RPS6KA2: variants seen among roughly 807,000 people sequenced by gnomAD.
RPS6KA2 encodes the protein ribosomal protein S6 kinase A2, also known as ribosomal protein S6 kinase alpha-2.
Under a neutral mutation model 91.8 loss-of-function variants are expected in RPS6KA2, and 42 were observed. That is an observed-to-expected ratio of 0.46 (90% confidence interval 0.36 to 0.59). The LOEUF (loss-of-function observed/expected upper bound fraction) is 0.59. Ranked by LOEUF, RPS6KA2 falls within the 20% of genes least tolerant of loss-of-function variation. The pLI, the probability that RPS6KA2 is intolerant of heterozygous loss-of-function variation, is 0.00. For missense variants in RPS6KA2, 798 were observed against 978.5 expected (o/e 0.82, Z 2.46); for synonymous variants, 414 against 393.6 (o/e 1.05, Z -0.61).
intron 1 of RPS6KA2, among the ~76,000 whole-genome samples, chr6:166,546,127 T>C (rs1399467504): frequency 6.6e-6 from 1 of 152,220 alleles, no homozygotes; most frequent in East Asian, 1.9e-4. Flanking sequence ...TTCAATGATT[T>C]GCTTTATAAA....
chr6:166,615,595 C>T (rs906668224), intron 1 of RPS6KA2, among the ~76,000 whole-genome samples: 6 of 152,312 alleles, frequency 3.9e-5, no homozygotes, highest in Admixed American at 1.3e-4. Context: ...AAACCTGCGG[C>T]GCACAGGCCA....
At position 166,430,495 on chromosome 6, in the gene RPS6KA2, C is replaced by T; in HGVS notation, c.1539G>A (p.Leu513=). 5.0e-6 allele frequency: 8 copies of T among 1,614,112 alleles called. No homozygotes were observed. Among genetic ancestry groups the T allele is most frequent in the Non-Finnish European group, 5.9e-6 (7 of 1,180,008 alleles). ...YFSEREASDV[L]CTITKTMDYL... ...AGTCCATGGTCTTGGTGATGGTGCA[C>T]AGGACGTCACTGGCTTCGCGCTCCG... The change falls in exon 16 of 21, where the codon CTG becomes CTA. Residue 513 remains leucine, a synonymous_variant. Transcript: ENST00000265678.
chr6:166,722,185 C>A (rs1406794242), intron 2 of RPS6KA2, among the ~76,000 whole-genome samples: 2 of 152,140 alleles, frequency 1.3e-5, no homozygotes, highest in Non-Finnish European at 2.9e-5. Context: ...TCAGAAGGTC[C>A]AATCATCCAT....
intron 14 of RPS6KA2, among the ~76,000 whole-genome samples, chr6:166,432,994 CAAAA>C (rs397728789): frequency 1.2e-5 from 1 of 82,748 alleles, no homozygotes; most frequent in Non-Finnish European, 2.7e-5. Flanking sequence ...GACTCTGTCT[CAAAA>C]AAAAAAAAAA....
rs561886373 is a variant in RPS6KA2 at position 166,603,826 on chromosome 6, G to C, written c.99+23095C>G. ...TACTGTTGTTTGCGATAACAAGTCA[G>C]GGGTGTTAGAGGAGCCAAAGACCCC... is the stretch of plus-strand genomic sequence containing the variant. On this transcript the variant is annotated intron_variant, in intron 1 of 20. Coordinates refer to ENST00000265678, the MANE Select transcript of RPS6KA2 (RefSeq NM_021135.6). The surrounding 1 kb of genome is among the most constrained non-coding windows in gnomAD (Gnocchi z 4.3). Among the ~76,000 whole-genome samples, 41 of 152,192 alleles carry C rather than the reference G, an allele frequency of 2.7e-4. No individual in the cohort carries two copies. Among genetic ancestry groups the C allele is most frequent in the Non-Finnish European group, 5.4e-4 (37 of 68,038 alleles).
intron 2 of RPS6KA2, among the ~76,000 whole-genome samples, chr6:166,797,205 C>A (rs1210756028): frequency 3.3e-5 from 5 of 152,218 alleles, no homozygotes; most frequent in Admixed American, 3.3e-4. Flanking sequence ...GGGAGGGAGG[C>A]ACCCCACATC....
At chr6:166,675,934 T>C (rs1328904822) in intron 2 of RPS6KA2, among the ~76,000 whole-genome samples, 5 of 152,178 alleles carry the variant, frequency 3.3e-5, no homozygotes, top group African/African-American at 9.7e-5. Flanking sequence ...TGCTTTTCTC[T>C]GGGCAGGTAA....
At chr6:166,610,876 C>T (rs1786145914) in intron 1 of RPS6KA2, among the ~76,000 whole-genome samples, 1 of 152,124 alleles carries the variant, frequency 6.6e-6, no homozygotes, top group African/African-American at 2.4e-5. Context: ...TTCCTAAAAT[C>T]AGTACTTATT....
chr6:166,486,150 A>C (rs979318481), intron 10 of RPS6KA2, among the ~76,000 whole-genome samples: 2 of 152,186 alleles, frequency 1.3e-5, no homozygotes, highest in African/African-American at 4.8e-5. Flanking sequence ...TTGGAATCTC[A>C]GGTCCCATCT....
intron 2 of RPS6KA2, among the ~76,000 whole-genome samples, chr6:166,781,514 C>T (rs1778772137): frequency 6.6e-6 from 1 of 152,194 alleles, no homozygotes; most frequent in Non-Finnish European, 1.5e-5. Context: ...CATGCACCCA[C>T]CCAAGTCAGG....
intron 1 of RPS6KA2, among the ~76,000 whole-genome samples, chr6:166,861,069 C>T (rs1271268133): frequency 6.6e-6 from 1 of 152,188 alleles, no homozygotes; most frequent in African/African-American, 2.4e-5. Context: ...ATACATATGT[C>T]GAGCATTATT....
intron 2 of RPS6KA2, among the ~76,000 whole-genome samples, chr6:166,689,076 G>A (rs1227160105): frequency 6.6e-6 from 1 of 152,264 alleles, no homozygotes; most frequent in Admixed American, 6.5e-5. Flanking sequence ...CCAGCCCTGA[G>A]CAGGTCCTCC....
At chr6:166,607,003 G>A (rs1785977076) in intron 1 of RPS6KA2, among the ~76,000 whole-genome samples, 1 of 152,164 alleles carries the variant, frequency 6.6e-6, no homozygotes, top group Non-Finnish European at 1.5e-5. Context: ...GTAGCTGGGT[G>A]TGCTGGCAGG....
intron 1 of RPS6KA2, among the ~76,000 whole-genome samples, chr6:166,544,232 C>G (rs773641175): frequency 6.6e-6 from 1 of 152,216 alleles, no homozygotes; most frequent in Non-Finnish European, 1.5e-5. Context: ...TGTAGTCTAC[C>G]ACGCCGCTAG....
chr6:166,678,801 G>A (rs901158606), intron 2 of RPS6KA2, among the ~76,000 whole-genome samples: 10 of 152,226 alleles, frequency 6.6e-5, no homozygotes, highest in Non-Finnish European at 1.0e-4. Context: ...TTTCTGCTGC[G>A]CCTTGAGCCC....
At position 166,833,495 on chromosome 6, in the gene RPS6KA2, A is replaced by G. The variant is rs555830645; in HGVS notation, c.123+24705T>C. 5.6e-4 allele frequency among the ~76,000 whole-genome samples: 86 copies of G among 152,342 alleles called. 1 individual carries two copies. The highest frequency in any genetic ancestry group is 2.0e-3 in the African/African-American group (82 of 41,576). ...TTTGTACAGTCATGTAACCATGATG[A>G]CAACCAAGGCATGGCACATCTCCCT... is the stretch of plus-strand genomic sequence containing the variant. On this transcript the variant is annotated intron_variant, in intron 2 of 21. Transcript: ENST00000503859.
chr6:166,675,402 C>A (rs1254735827), intron 2 of RPS6KA2, among the ~76,000 whole-genome samples: 1 of 152,212 alleles, frequency 6.6e-6, no homozygotes, highest in Non-Finnish European at 1.5e-5. Flanking sequence ...CCCCAGTTTC[C>A]ACGCTGTTAA....
chr6:166,449,117 T>C (rs529736923), intron 13 of RPS6KA2, among the ~76,000 whole-genome samples: 50 of 152,302 alleles, frequency 3.3e-4, no homozygotes, highest in African/African-American at 1.2e-3. Flanking sequence ...GGTATGTTTC[T>C]CGCAAAGATC....
chr6:166,621,879 C>T (rs1352803331), intron 1 of RPS6KA2, among the ~76,000 whole-genome samples: 2 of 152,176 alleles, frequency 1.3e-5, no homozygotes, highest in Admixed American at 1.3e-4. Flanking sequence ...CCTCCCCTTC[C>T]CCTTCACAGC....
Sources: gnomAD v4.1 joint callset for allele counts (sites outside exome capture counted in the v4.1 genomes callset) on GRCh38, gnomAD v4.1.1 for gene constraint, Gnocchi (gnomAD v3.1) non-coding constraint, MANE v1.5 for transcripts, NCBI Gene and HGNC (gene_info 2026-07-23, HGNC 2026-07-21) for gene names.